RGS6: variants seen among roughly 807,000 people sequenced by gnomAD.
The protein encoded by RGS6 is regulator of G protein signaling 6.
A neutral mutation model predicts 78.5 loss-of-function variants in RGS6; 30 were observed. The ratio of observed to expected loss-of-function variants is 0.38; its 90% CI spans 0.29 to 0.52. The LOEUF (loss-of-function observed/expected upper bound fraction) is 0.52. RGS6 is among the 20% of genes least tolerant of loss of function. RGS6 has a pLI of 0.85. For synonymous variants in RGS6, 206 were observed against 206.0 expected (o/e 1.00, Z 0.00); for missense variants, 495 against 609.7 (o/e 0.81, Z 1.98).
intron 2 of RGS6, among the ~76,000 whole-genome samples, chr14:72,020,920 A>G (rs901468432): frequency 1.6e-4 from 24 of 152,202 alleles, no homozygotes; most frequent in Admixed American, 1.6e-3. Context: ...GTGACTATGC[A>G]TGATGAACTG....
intron 2 of RGS6, among the ~76,000 whole-genome samples, chr14:72,137,964 A>G (rs967961942): frequency 1.2e-4 from 18 of 152,200 alleles, no homozygotes; most frequent in Admixed American, 1.0e-3. Context: ...TTCCCCTGGC[A>G]ACCAACCCCC....
At chr14:72,344,057 C>A (rs1303636524) in intron 2 of RGS6, among the ~76,000 whole-genome samples, 2 of 152,170 alleles carry the variant, frequency 1.3e-5, no homozygotes, top group East Asian at 3.9e-4. Context: ...GATTCTTAAA[C>A]AAGAAAGATG....
At chr14:72,124,878 C>T (rs918567400) in intron 2 of RGS6, among the ~76,000 whole-genome samples, 18 of 152,138 alleles carry the variant, frequency 1.2e-4, no homozygotes, top group Non-Finnish European at 2.6e-4. Flanking sequence ...TTCTCCAGTA[C>T]TAAGTAGTAT....
chr14:72,545,365 G>A (rs1385939335), intron 17 of RGS6, among the ~76,000 whole-genome samples: 3 of 152,234 alleles, frequency 2.0e-5, no homozygotes, highest in African/African-American at 7.2e-5. Context: ...CATGTCCTGG[G>A]ACTCTGAGAC....
At chr14:72,480,855 C>G (rs778892817) in intron 12 of RGS6, among the ~76,000 whole-genome samples, 2 of 152,178 alleles carry the variant, frequency 1.3e-5, no homozygotes, top group Non-Finnish European at 2.9e-5. Context: ...ACCGCATCCC[C>G]CAGGAAAGGT....
At chr14:72,377,290 A>G (rs1158078648) in intron 3 of RGS6, among the ~76,000 whole-genome samples, 1 of 152,252 alleles carries the variant, frequency 6.6e-6, no homozygotes, top group Non-Finnish European at 1.5e-5. Context: ...GACAAAAGCT[A>G]CAAAAAGAGA....
At chr14:72,031,645 A>G (rs4899418) in intron 2 of RGS6, among the ~76,000 whole-genome samples, 6,636 of 152,308 alleles carry the variant, frequency 0.044, 179 homozygotes, top group African/African-American at 0.077. Context: ...CCAAAGCAGC[A>G]TAGGAAAATA....
chr14:72,381,823 G>A (rs1378809478), intron 3 of RGS6, among the ~76,000 whole-genome samples: 1 of 152,050 alleles, frequency 6.6e-6, no homozygotes, highest in Non-Finnish European at 1.5e-5. Context: ...ACTATGAGGA[G>A]TTAATAAGAA....
At chr14:72,051,514 A>G (rs905203710) in intron 2 of RGS6, among the ~76,000 whole-genome samples, 1 of 152,232 alleles carries the variant, frequency 6.6e-6, no homozygotes. Context: ...AGCCAATGGT[A>G]TAATTTAAGG....
At chr14:71,940,003 A>G (rs149998903) in intron 1 of RGS6, among the ~76,000 whole-genome samples, 1 of 152,326 alleles carries the variant, frequency 6.6e-6, no homozygotes, top group East Asian at 1.9e-4. Context: ...GCCTATGCCA[A>G]TTATGCATTC....
chr14:72,289,455 C>A (rs535010395), intron 2 of RGS6, among the ~76,000 whole-genome samples: 14 of 152,200 alleles, frequency 9.2e-5, no homozygotes, highest in Admixed American at 3.3e-4. Flanking sequence ...GCCCATTTCA[C>A]AGAATCACGA....
the RGS6 span, among the ~76,000 whole-genome samples, chr14:71,925,653 A>G: frequency 6.8e-6 from 1 of 146,764 alleles, no homozygotes; most frequent in African/African-American, 2.5e-5. Context: ...CATTTATTTA[A>G]GAGACTCTCC....
intron 3 of RGS6, among the ~76,000 whole-genome samples, chr14:72,402,262 C>T (rs917796197): frequency 5.9e-5 from 9 of 152,194 alleles, no homozygotes; most frequent in African/African-American, 2.2e-4. Context: ...AGAAGATATC[C>T]AGCAGTAAGG....
At chr14:72,144,436 A>G (rs1332650164) in intron 2 of RGS6, among the ~76,000 whole-genome samples, 1 of 152,248 alleles carries the variant, frequency 6.6e-6, no homozygotes, top group Admixed American at 6.5e-5. Context: ...ATGAGTTCAT[A>G]GATCAACAGT....
intron 3 of RGS6, among the ~76,000 whole-genome samples, chr14:72,378,528 A>C (rs1310628941): frequency 6.6e-6 from 1 of 152,164 alleles, no homozygotes; most frequent in Non-Finnish European, 1.5e-5. Flanking sequence ...AATGAATACC[A>C]CAGAAATACA....
intron 2 of RGS6, among the ~76,000 whole-genome samples, chr14:72,101,196 A>G (rs1597569905): frequency 1.3e-5 from 2 of 151,946 alleles, no homozygotes; most frequent in South Asian, 4.1e-4. Flanking sequence ...ACAAACAAAA[A>G]CCTTTGTGTC....
intron 2 of RGS6, among the ~76,000 whole-genome samples, chr14:72,310,037 C>T (rs946023819): frequency 6.6e-5 from 10 of 152,226 alleles, no homozygotes; most frequent in African/African-American, 2.2e-4. Flanking sequence ...AGCCTCTCTC[C>T]TCCTTCTGCC....
intron 2 of RGS6, among the ~76,000 whole-genome samples, chr14:72,208,668 G>A (rs1435670630): frequency 6.6e-6 from 1 of 152,118 alleles, no homozygotes; most frequent in Non-Finnish European, 1.5e-5. Context: ...TGTCTCAGAG[G>A]CTACCTTGAC....
the RGS6 span, among the ~76,000 whole-genome samples, chr14:71,878,317 G>A: frequency 8.5e-5 from 13 of 152,150 alleles, no homozygotes; most frequent in East Asian, 5.8e-4. Flanking sequence ...CTTTAGCTGC[G>A]GTGGGCTCCA....
Sources: allele counts gnomAD v4.1 joint callset (sites outside exome capture counted in the v4.1 genomes callset), GRCh38; gene constraint gnomAD v4.1.1; transcripts MANE v1.5; gene names NCBI Gene and HGNC (gene_info 2026-07-23, HGNC 2026-07-21).